XRCC6: variants seen among roughly 807,000 people sequenced by gnomAD.
XRCC6 encodes the protein X-ray repair cross complementing 6.
XRCC6 carries 5 observed loss-of-function variants against 65.7 expected under a neutral mutation model. The observed-to-expected ratio is 0.08, with a 90% CI of 0.04 to 0.16. XRCC6 has a LOEUF of 0.16. XRCC6 is among the 10% of genes least tolerant of loss of function. The pLI is 1.00. For synonymous variants in XRCC6, 270 were observed against 270.6 expected, an observed-to-expected ratio of 1.00 and a Z score of 0.02; for missense variants, 447 against 738.1, an observed-to-expected ratio of 0.61 and a Z score of 4.57.
intron 6 of XRCC6, among the ~76,000 whole-genome samples, chr22:41,640,985 G>A (rs947819835): frequency 6.6e-6 from 1 of 152,138 alleles, no homozygotes; most frequent in Admixed American, 6.6e-5. Context: ...GCTCACGTCT[G>A]TAATCCCAGC....
At chr22:41,651,887 G>C (rs1215484261) in intron 8 of XRCC6, among the ~76,000 whole-genome samples, 1 of 151,920 alleles carries the variant, frequency 6.6e-6, no homozygotes, top group Non-Finnish European at 1.5e-5. Flanking sequence ...GGGTTCAAGC[G>C]AGTCTCCTGC....
intron 6 of XRCC6, among the ~76,000 whole-genome samples, chr22:41,642,840 A>T (rs893090958): frequency 1.3e-5 from 2 of 152,214 alleles, no homozygotes; most frequent in Non-Finnish European, 2.9e-5. Flanking sequence ...GAAGCCACCA[A>T]ATGGTTGATG....
At chr22:41,626,942 A>G (rs1326026246) in intron 2 of XRCC6, among the ~76,000 whole-genome samples, 2 of 151,960 alleles carry the variant, frequency 1.3e-5, no homozygotes, top group African/African-American at 2.4e-5. Flanking sequence ...GCCCAGCCTA[A>G]TGTTTGTATT....
rs371606112 is a variant in XRCC6, at chr22:41,637,598, C to T, written c.590-10C>T. 3.8e-6 allele frequency: 6 copies of T among 1,565,568 alleles called. No homozygotes were observed. Among genetic ancestry groups the T allele is most frequent in the Non-Finnish European group, 5.2e-6 (6 of 1,155,396 alleles). On this transcript the variant is annotated splice_polypyrimidine_tract_variant and intron_variant, in intron 5 of 12. Coordinates refer to ENST00000360079, the MANE Select transcript of XRCC6 (RefSeq NM_001469.5). The stretch of plus-strand genomic sequence containing the variant: ...TTTTCCTCCCTCACTTTTGTTTACC[C>T]TTGCAACAGGCATCTTCCTTGACTT...
intron 6 of XRCC6, among the ~76,000 whole-genome samples, 178 bp from the exon 7 acceptor site, chr22:41,646,718 C>T (rs1462633615): frequency 6.6e-6 from 1 of 152,114 alleles, no homozygotes; most frequent in Admixed American, 6.6e-5. Context: ...TATTGTGGTA[C>T]AGATTCTGAG....
chr22:41,625,319 T>G (rs556545045), intron 2 of XRCC6, among the ~76,000 whole-genome samples: 1 of 152,282 alleles, frequency 6.6e-6, no homozygotes, highest in African/African-American at 2.4e-5. Context: ...AGGAGACAGC[T>G]AATTAAACTT....
intron 6 of XRCC6, among the ~76,000 whole-genome samples, chr22:41,644,926 G>T (rs1024914730): frequency 3.3e-5 from 5 of 152,136 alleles, no homozygotes; most frequent in African/African-American, 1.2e-4. Context: ...TTTATTGTGT[G>T]TCCTTGGGCA....
At position 41,622,083 on chromosome 22, in the gene XRCC6, A is replaced by G. The variant is rs1181240905; in HGVS notation, c.79A>G (p.Ser27Gly). 1.2e-6 allele frequency: 2 copies of G among 1,614,118 alleles called. No individual in the cohort carries two copies. The highest frequency in any genetic ancestry group is 2.7e-5 in the African/African-American group (2 of 74,956). ...AGAACAAGAAGAGAACCTTGAAGCAAGTGGTAAGTGACTTCAGCATGTAGT... is the reference window on the plus strand; with the variant it reads ...AGAACAAGAAGAGAACCTTGAAGCAGGTGGTAAGTGACTTCAGCATGTAGT... ...EEEQEENLEA[S>G]GDYKYSGRDS... The change falls in exon 2 of 13, where the codon AGT (serine) becomes GGT (glycine). Residue 27 changes from serine (S) to glycine (G), a missense_variant. Physicochemically the swap from Ser to Gly is moderately conservative, Grantham distance 56 (BLOSUM62 0). Coordinates refer to ENST00000360079, the MANE Select transcript of XRCC6 (RefSeq NM_001469.5).
chr22:41,660,296 C>G (rs1022557201), intron 11 of XRCC6, among the ~76,000 whole-genome samples: 1 of 152,206 alleles, frequency 6.6e-6, no homozygotes, highest in African/African-American at 2.4e-5. Flanking sequence ...GTTGCCTTTT[C>G]CTGTCATACT....
intron 3 of XRCC6, among the ~76,000 whole-genome samples, chr22:41,634,917 G>A (rs1569084622): frequency 6.6e-6 from 1 of 152,118 alleles, no homozygotes; most frequent in Non-Finnish European, 1.5e-5. Flanking sequence ...GACCTTTCCT[G>A]TTACTGGAAT....
intron 12 of XRCC6, among the ~76,000 whole-genome samples, chr22:41,662,170 T>G (rs1267850648): frequency 6.6e-6 from 1 of 152,164 alleles, no homozygotes; most frequent in Admixed American, 6.5e-5. Flanking sequence ...ACAGAGTGAC[T>G]ATAGTCTAAT....
intron 6 of XRCC6, among the ~76,000 whole-genome samples, chr22:41,642,696 G>A (rs1035171783): frequency 6.6e-6 from 1 of 152,150 alleles, no homozygotes; most frequent in Non-Finnish European, 1.5e-5. Flanking sequence ...TAAACTTACT[G>A]TAGCAATCTA....
intron 4 of XRCC6, 55 bp from the exon 5 acceptor site, chr22:41,636,461 A>G: frequency 6.3e-7 from 1 of 1,593,788 alleles, no homozygotes. Flanking sequence ...TGGTAAAGGC[A>G]GCCACTGACA....
chr22:41,645,246 T>C (rs868387138), intron 6 of XRCC6, among the ~76,000 whole-genome samples: 2 of 150,140 alleles, frequency 1.3e-5, no homozygotes, highest in Admixed American at 1.3e-4. Context: ...GGTTGCAGTG[T>C]GGAGATCGTG....
intron 7 of XRCC6, among the ~76,000 whole-genome samples, chr22:41,650,276 TA>T (rs2067982803): frequency 6.6e-6 from 1 of 151,970 alleles, no homozygotes. Context: ...AGCTAATTTT[TA>T]ATTTTTTTAT....
intron 2 of XRCC6, among the ~76,000 whole-genome samples, chr22:41,625,200 A>T (rs1408792328): frequency 6.6e-6 from 1 of 152,210 alleles, no homozygotes. Context: ...GCTACTCAGG[A>T]GGCTGAGGCG....
chr22:41,630,094 C>T lies in XRCC6; in HGVS notation c.195+1864C>T, dbSNP rs183355069. 2.7e-3 allele frequency among the ~76,000 whole-genome samples: 409 copies of T among 151,696 alleles called. 1 individual carries two copies. The highest frequency in any genetic ancestry group is 4.6e-3 in the Non-Finnish European group (313 of 67,932). On this transcript the variant is annotated intron_variant, in intron 3 of 12. Transcript: ENST00000360079. ...TGACTCCCTGGTTCAAGCGATTCTC[C>T]TGCCTCAGCCTCCCGAGTAGGTGAG...
intron 9 of XRCC6, among the ~76,000 whole-genome samples, chr22:41,655,162 G>T (rs1056092381): frequency 6.6e-6 from 1 of 152,104 alleles, no homozygotes; most frequent in South Asian, 2.1e-4. Flanking sequence ...AGTGGTGCTG[G>T]CAGTTTGGAT....
In XRCC6 at chr22:41,664,025, C is replaced by T. The variant is rs1362823858; in HGVS notation, c.*210C>T. ...TTACTTTACTGCCTGAATAAAGAGC[C>T]CTAAGTTTGTACTATATACTGTTCT... On this transcript the variant is annotated 3_prime_UTR_variant, in exon 13 of 13. Transcript: ENST00000360079. The T allele has an allele frequency of 1.7e-6, 1 of 583,860 alleles. No individual in the cohort carries two copies. Among genetic ancestry groups the T allele is most frequent in the Admixed American group, 3.0e-5 (1 of 32,986 alleles). The allele number at this position is 583,860 out of a possible 1,614,324, so 36.2% of individuals were successfully genotyped here. A position where few individuals can be genotyped will look rare whatever the true frequency, so the allele number is the denominator to read the frequency against.
Sources: allele counts gnomAD v4.1 joint callset (sites outside exome capture counted in the v4.1 genomes callset), GRCh38; gene constraint gnomAD v4.1.1; transcripts MANE v1.5; gene names NCBI Gene and HGNC (gene_info 2026-07-23, HGNC 2026-07-21).